MSN: variants seen among roughly 807,000 people sequenced by gnomAD.
MSN encodes the protein epididymis luminal protein 70.
MSN carries 2 observed loss-of-function variants against 48.0 expected under a neutral mutation model. The observed-to-expected ratio is 0.04, with a 90% CI of 0.02 to 0.13. The LOEUF (loss-of-function observed/expected upper bound fraction) is 0.13. Among genes scored for constraint, MSN ranks in the 10% least tolerant of loss-of-function variants. The probability of loss-of-function intolerance (pLI) is 1.00; values close to 1 mark genes in which losing one functional copy is unlikely to be tolerated. For missense variants in MSN, 267 were observed against 470.1 expected (o/e 0.57, Z 3.99); for synonymous variants, 146 against 166.9 (o/e 0.87, Z 0.97).
chrX:65,693,114 G>C (rs1177572774), intron 1 of MSN, among the ~76,000 whole-genome samples: 1 of 111,642 alleles, frequency 9.0e-6, no homozygotes, highest in Admixed American at 9.5e-5. Context: ...ACACACTGCA[G>C]GCCTTTGAAT....
In MSN at chrX:65,735,429, C is replaced by T. The variant is rs2071665784; in HGVS notation, c.958C>T (p.Arg320Cys). The change falls in exon 8 of 13, where the codon CGT (arginine) becomes TGT (cysteine). Residue 320 changes from arginine to cysteine, a missense_variant and splice_region_variant. This residue lies in a region of MSN where 58 missense variants were observed against 104.6 expected (regional missense o/e 0.55). Transcript: ENST00000360270. ...REEKHQKQME[R>C]AMLENEKKKR... ...GGAGAAGCACCAGAAGCAGATGGAGCGGTAGGTGCTGCACACTGATGTGGG... is the reference window on the plus strand; with the variant it reads ...GGAGAAGCACCAGAAGCAGATGGAGTGGTAGGTGCTGCACACTGATGTGGG... 3 of 1,200,280 alleles carry T rather than the reference C, an allele frequency of 2.5e-6. No homozygotes were observed. Among genetic ancestry groups the T allele is most frequent in the Non-Finnish European group, 2.2e-6 (2 of 889,701 alleles).
chrX:65,606,222 T>C (rs1394007276), intron 1 of MSN, among the ~76,000 whole-genome samples: 1 of 107,989 alleles, frequency 9.3e-6, no homozygotes, highest in Non-Finnish European at 1.9e-5. Flanking sequence ...CTCCGCCTCC[T>C]GGGTTCAAGC....
intron 1 of MSN, among the ~76,000 whole-genome samples, chrX:65,630,543 C>T (rs1002351769): frequency 9.1e-6 from 1 of 110,100 alleles, no homozygotes; most frequent in Non-Finnish European, 1.9e-5. Context: ...GAACTATGAT[C>T]GTGCCGCTGC....
intron 1 of MSN, among the ~76,000 whole-genome samples, chrX:65,701,610 C>A (rs1284091676): frequency 8.9e-6 from 1 of 112,245 alleles, no homozygotes; most frequent in African/African-American, 3.2e-5. Context: ...GTCCAGAAGT[C>A]TGGACTTTTT....
At chrX:65,641,034 G>A (rs977605587) in intron 1 of MSN, among the ~76,000 whole-genome samples, 6 of 110,604 alleles carry the variant, frequency 5.4e-5, no homozygotes, top group Admixed American at 9.7e-5. Flanking sequence ...GCTTGAACCC[G>A]GGAGGCGGAG....
At chrX:65,708,581 C>A (rs1360027878) in intron 1 of MSN, among the ~76,000 whole-genome samples, 1 of 111,794 alleles carries the variant, frequency 8.9e-6, no homozygotes, top group Non-Finnish European at 1.9e-5. Context: ...GTGTGAGCCA[C>A]CGTGCTTGGC....
chrX:65,685,577 G>T (rs942679291), intron 1 of MSN, among the ~76,000 whole-genome samples: 2 of 111,891 alleles, frequency 1.8e-5, no homozygotes, highest in Non-Finnish European at 3.8e-5. Flanking sequence ...GTTAACATTA[G>T]CATCACTGAA....
At chrX:65,722,173 G>T (rs1463772816) in intron 2 of MSN, among the ~76,000 whole-genome samples, 1 of 111,943 alleles carries the variant, frequency 8.9e-6, no homozygotes, top group Non-Finnish European at 1.9e-5. Flanking sequence ...TTGACCACAG[G>T]CAATGTGTAA....
upstream of MSN, chrX:65,667,545 A>T: frequency 1.4e-6 from 1 of 731,881 alleles, no homozygotes; most frequent in Non-Finnish European, 1.7e-6. Context: ...GGGCCTGGCC[A>T]GGCGGGGCTG....
At chrX:65,654,689 T>C (rs1454995907) in intron 1 of MSN, among the ~76,000 whole-genome samples, 1 of 111,822 alleles carries the variant, frequency 8.9e-6, no homozygotes, top group East Asian at 2.8e-4. Flanking sequence ...TATCTTGCTA[T>C]ATATACATAA....
intron 1 of MSN, among the ~76,000 whole-genome samples, chrX:65,592,177 A>AG (rs954008186): frequency 1.0e-5 from 1 of 98,262 alleles, no homozygotes; most frequent in African/African-American, 3.8e-5. Context: ...TAACTGCATG[A>AG]TATCCTCTTC....
intron 1 of MSN, among the ~76,000 whole-genome samples, chrX:65,596,077 G>T (rs1243258596): frequency 4.7e-5 from 5 of 106,469 alleles, no homozygotes; most frequent in South Asian, 4.0e-4. Context: ...CATCCTGTTG[G>T]TTTTTTTTTT....
At chrX:65,684,454 T>C (rs1449079126) in intron 1 of MSN, among the ~76,000 whole-genome samples, 1 of 110,396 alleles carries the variant, frequency 9.1e-6, no homozygotes, top group East Asian at 2.8e-4. Flanking sequence ...TTTTTTTTTT[T>C]TGAGGCAGAG....
intron 1 of MSN, among the ~76,000 whole-genome samples, chrX:65,695,229 GT>G (rs2071221558): frequency 5.4e-5 from 6 of 110,698 alleles, no homozygotes; most frequent in Non-Finnish European, 9.4e-5. Context: ...GGCCGGGCGT[GT>G]TGGCTCACGC....
At chrX:65,708,942 C>T (rs2071388923) in intron 1 of MSN, among the ~76,000 whole-genome samples, 2 of 111,968 alleles carry the variant, frequency 1.8e-5, no homozygotes, top group African/African-American at 6.5e-5. Context: ...CTCAGCCACC[C>T]AAAGTGTTGG....
rs565412242 is a variant in MSN at position 65,674,135 on chromosome X, C to T, written c.12+6282C>T. On this transcript the variant is annotated intron_variant, in intron 1 of 12. Transcript: ENST00000360270. ...GTAAGTGTTTTGCTTTGGCTTGTGA[C>T]GGGTGGTGGAAGGCATATGTGTAGG... is the stretch of plus-strand genomic sequence containing the variant. 5.4e-5 allele frequency among the ~76,000 whole-genome samples: 6 copies of T among 111,248 alleles called. No individual in the cohort carries two copies. The South Asian group carries it at 1.5e-3, about 28-fold the overall frequency.
At chrX:65,697,079 G>GGT (rs1327181263) in intron 1 of MSN, among the ~76,000 whole-genome samples, 1 of 111,015 alleles carries the variant, frequency 9.0e-6, no homozygotes, top group Admixed American at 9.6e-5. Context: ...ATCCACTGGA[G>GGT]GTAGGTATTT....
intron 1 of MSN, among the ~76,000 whole-genome samples, chrX:65,627,537 G>A (rs934301851): frequency 9.0e-6 from 1 of 110,741 alleles, no homozygotes; most frequent in Admixed American, 9.7e-5. Context: ...AAAATATCAT[G>A]GGAATGACCG....
At chrX:65,733,055 T>C in intron 6 of MSN, 129 bp from the exon 7 acceptor site, 1 of 487,300 alleles carries the variant, frequency 2.1e-6, no homozygotes, top group Non-Finnish European at 3.4e-6. Flanking sequence ...CGTCTCTATT[T>C]ATTTTAAAAA....
Sources: gnomAD v4.1 joint callset for allele counts (sites outside exome capture counted in the v4.1 genomes callset) on GRCh38, gnomAD v4.1.1 for gene constraint, gnomAD v4.1.1 regional missense constraint, MANE v1.5 for transcripts, NCBI Gene and HGNC (gene_info 2026-07-23, HGNC 2026-07-21) for gene names.